The following KCTD2 variants were observed in gnomAD, a reference collection of about 807,000 sequenced individuals.
KCTD2 encodes potassium channel tetramerization domain containing 2, also known as BTB/POZ domain-containing protein KCTD2.
KCTD2 carries 18 observed loss-of-function variants against 27.9 expected under a neutral mutation model. The ratio of observed to expected loss-of-function variants is 0.64; its 90% CI spans 0.45 to 0.96. The LOEUF is 0.96. Ranked by LOEUF, KCTD2 falls within the 40% of genes least tolerant of loss-of-function variation. The pLI is 0.00. For synonymous variants in KCTD2, 175 were observed against 148.4 expected, an observed-to-expected ratio of 1.18 and a Z score of -1.30; for missense variants, 280 against 348.0, an observed-to-expected ratio of 0.80 and a Z score of 1.56.
At chr17:75,046,888 T>G (rs2073225861), upstream of KCTD2, 1 of 153,526 alleles carries the variant, frequency 6.5e-6, no homozygotes, top group African/African-American at 2.4e-5. Context: ...AGAGGAGCCC[T>G]CCAGGGATCG....
At position 75,049,203 on chromosome 17, in the gene KCTD2, T is replaced by C. The variant is rs760522887; in HGVS notation, c.340-17T>C. 8 of 1,502,168 alleles carry C rather than the reference T, an allele frequency of 5.3e-6. No individual in the cohort carries two copies. The East Asian group carries it at 9.0e-5, about 17-fold the overall frequency. The allele number at this position is 1,502,168 out of a possible 1,614,324, so 93.1% of individuals were successfully genotyped here. On this transcript the variant is annotated splice_polypyrimidine_tract_variant and intron_variant, in intron 1 of 5. Transcript: ENST00000322444. The stretch of plus-strand genomic sequence containing the variant: ...TCCTCAAAGGTCCACAATGATACCC[T>C]TGTGTTTGGTTGGCAGGATGAGACA...
At position 75,040,124 on chromosome 17, in the gene KCTD2, T is replaced by C. The variant is rs1222768164; in HGVS notation, c.-259+4767T>C. Reference sequence around the variant, plus strand: ...TTTTCTTCGGCATCCACCTGGGCAGTATATTTATCCTCTGGCACGGGAACC... The same window carrying C: ...TTTTCTTCGGCATCCACCTGGGCAGCATATTTATCCTCTGGCACGGGAACC... On this transcript the variant is annotated intron_variant, in intron 3 of 7. Coordinates refer to the KCTD2 transcript ENST00000581589. 3.1e-6 allele frequency: 5 copies of C among 1,612,788 alleles called. No homozygotes were observed. In the South Asian group the frequency reaches 3.3e-5, roughly 11 times the overall value.
chr17:75,040,390 T>C (rs1355964099), intron 3 of KCTD2: 6 of 546,106 alleles, frequency 1.1e-5, no homozygotes, highest in East Asian at 6.1e-5. Flanking sequence ...CTCAGCCCTA[T>C]CACTAACTCG....
intron 3 of KCTD2, chr17:75,039,069 AAG>A: frequency 2.5e-6 from 4 of 1,613,898 alleles, no homozygotes; most frequent in South Asian, 1.1e-5. Context: ...TCCATCTGGA[AAG>A]AGGGGGAATG....
At chr17:75,039,446 C>T (rs868181894) in intron 3 of KCTD2, 1 of 599,834 alleles carries the variant, frequency 1.7e-6, no homozygotes. Flanking sequence ...TTTCTTAACA[C>T]TCACAGAGAA....
At chr17:75,043,628 A>C (rs1309554070), upstream of KCTD2, among the ~76,000 whole-genome samples, 2 of 151,370 alleles carry the variant, frequency 1.3e-5, no homozygotes, top group East Asian at 3.9e-4. Flanking sequence ...AAAAAAAAAA[A>C]CAAACCCCAG....
chr17:75,061,871 G>A (rs776697079), intron 4 of KCTD2, among the ~76,000 whole-genome samples: 2 of 152,008 alleles, frequency 1.3e-5, no homozygotes, highest in South Asian at 2.1e-4. Flanking sequence ...GACGGGGGGG[G>A]ACTTCAGAGC....
chr17:75,051,028 C>T (rs1487539504), intron 2 of KCTD2, among the ~76,000 whole-genome samples: 4 of 148,876 alleles, frequency 2.7e-5, no homozygotes, highest in African/African-American at 1.0e-4. Context: ...GGCTGGAGTG[C>T]AGTGGCGCAA....
intron 3 of KCTD2, among the ~76,000 whole-genome samples, chr17:75,054,199 G>T (rs1441919073): frequency 2.0e-5 from 3 of 151,596 alleles, no homozygotes; most frequent in African/African-American, 7.3e-5. Flanking sequence ...TTGTATTTTG[G>T]GTAGAAACGA....
chr17:75,053,566 G>A (rs913123657), intron 3 of KCTD2, among the ~76,000 whole-genome samples: 10 of 151,868 alleles, frequency 6.6e-5, no homozygotes, highest in Admixed American at 3.3e-4. Context: ...TCAGCCTCCC[G>A]TGTAGCTGGG....
At position 75,056,463 on chromosome 17, in the gene KCTD2, C is replaced by T. The variant is rs148985616; in HGVS notation, c.541-3047C>T. Among the ~76,000 whole-genome samples, 139 of 152,326 alleles carry T rather than the reference C, an allele frequency of 9.1e-4. 1 individual carries two copies. Among genetic ancestry groups the T allele is most frequent in the African/African-American group, 3.2e-3 (133 of 41,580 alleles). On this transcript the variant is annotated intron_variant, in intron 3 of 5. Coordinates refer to ENST00000322444, the MANE Select transcript of KCTD2 (RefSeq NM_015353.3). ...TCATGGTACCTGAACATTCTCCCTT[C>T]TTCGTCATTAGCTAATTCCTGGAGA...
upstream of KCTD2, among the ~76,000 whole-genome samples, chr17:75,043,834 C>A (rs12938889): frequency 0.13 from 20,146 of 152,052 alleles, 2,055 homozygotes; most frequent in East Asian, 0.57. Context: ...CTTATGTGTA[C>A]AATGGGCATT....
intron 2 of KCTD2, among the ~76,000 whole-genome samples, chr17:75,051,149 A>G (rs917691369): frequency 4.7e-5 from 7 of 147,734 alleles, no homozygotes; most frequent in Non-Finnish European, 7.4e-5. Flanking sequence ...AATTTTTTGT[A>G]TTTTTAGTAG....
intron 2 of KCTD2, among the ~76,000 whole-genome samples, chr17:75,034,504 G>C (rs528225696): frequency 2.0e-5 from 3 of 152,162 alleles, no homozygotes; most frequent in Admixed American, 6.5e-5. Flanking sequence ...CCACTGGGGC[G>C]CGGTAAGACG....
At chr17:75,037,345 GAAAAAA>G (rs56310455) in intron 3 of KCTD2, among the ~76,000 whole-genome samples, 1,542 of 84,712 alleles carry the variant, frequency 0.018, 27 homozygotes, top group African/African-American at 0.052. Context: ...TTCCATATCA[GAAAAAA>G]AAAAAAAAAA....
upstream of KCTD2, chr17:75,042,690 T>G (rs749434067): frequency 1.3e-6 from 2 of 1,582,478 alleles, no homozygotes; most frequent in East Asian, 4.5e-5. Context: ...AAACAAGGCT[T>G]TTTTATGAGG....
At chr17:75,060,671 G>A (rs1462652177) in intron 4 of KCTD2, 4 of 1,473,222 alleles carry the variant, frequency 2.7e-6, no homozygotes, top group Non-Finnish European at 3.6e-6. Flanking sequence ...GCGCGTGCGA[G>A]GGCGGGTCAG....
chr17:75,062,698 C>T (rs1311752648), intron 5 of KCTD2, among the ~76,000 whole-genome samples: 1 of 48,632 alleles, frequency 2.1e-5, no homozygotes, highest in Non-Finnish European at 4.5e-5. Context: ...CCCTCACCCC[C>T]AACACACACA....
upstream of KCTD2, among the ~76,000 whole-genome samples, chr17:75,046,144 G>A (rs1322763756): frequency 1.3e-5 from 2 of 152,128 alleles, no homozygotes; most frequent in African/African-American, 2.4e-5. Context: ...GTGTAGTGGC[G>A]TGGTCTCGGC....
Sources: gnomAD v4.1 joint callset for allele counts (sites outside exome capture counted in the v4.1 genomes callset) on GRCh38, gnomAD v4.1.1 for gene constraint, MANE v1.5 for transcripts, NCBI Gene and HGNC (gene_info 2026-07-23, HGNC 2026-07-21) for gene names.